The following THSD7A variants were observed in gnomAD, a reference collection of about 807,000 sequenced individuals.
THSD7A encodes the protein thrombospondin type-1 domain-containing protein 7A.
THSD7A carries 96 observed loss-of-function variants against 231.3 expected under a neutral mutation model. The observed-to-expected ratio is 0.41, with a 90% confidence interval of 0.35 to 0.49. The LOEUF (loss-of-function observed/expected upper bound fraction) is 0.49. Among genes scored for constraint, THSD7A ranks in the 20% least tolerant of loss-of-function variants. The pLI, the probability that THSD7A is intolerant of heterozygous loss-of-function variation, is 0.05. For missense variants in THSD7A, 2,290 were observed against 2,070.2 expected (o/e 1.11, Z -2.06); for synonymous variants, 940 against 743.3 (o/e 1.26, Z -4.30).
chr7:11,755,762 T>C (rs1199067161), intron 1 of THSD7A, among the ~76,000 whole-genome samples: 1 of 152,098 alleles, frequency 6.6e-6, no homozygotes, highest in Non-Finnish European at 1.5e-5. Flanking sequence ...CTTGTTTTAG[T>C]ATGAAGTTAG....
chr7:11,425,061 T>A (rs1341237903), intron 15 of THSD7A, among the ~76,000 whole-genome samples: 1 of 152,200 alleles, frequency 6.6e-6, no homozygotes, highest in African/African-American at 2.4e-5. Context: ...GTAAATCTGA[T>A]CCACTGGATC....
intron 1 of THSD7A, among the ~76,000 whole-genome samples, chr7:11,706,883 A>G (rs951057425): frequency 1.3e-5 from 2 of 150,638 alleles, no homozygotes; most frequent in Non-Finnish European, 3.0e-5. Flanking sequence ...TGAACTCTGC[A>G]GATACCAAAC....
chr7:11,819,518 T>C (rs1784804754), intron 1 of THSD7A, among the ~76,000 whole-genome samples: 1 of 152,152 alleles, frequency 6.6e-6, no homozygotes, highest in Non-Finnish European at 1.5e-5. Flanking sequence ...CGAAAAGGCA[T>C]GTAGAAAACT....
At chr7:11,793,507 T>A (rs1197741135) in intron 1 of THSD7A, among the ~76,000 whole-genome samples, 2 of 151,682 alleles carry the variant, frequency 1.3e-5, no homozygotes, top group Non-Finnish European at 2.9e-5. Context: ...ACTATAATGT[T>A]TTTAGTTTTA....
chr7:11,567,142 T>C (rs1194930806), intron 4 of THSD7A, among the ~76,000 whole-genome samples: 2 of 152,082 alleles, frequency 1.3e-5, no homozygotes, highest in Non-Finnish European at 2.9e-5. Context: ...TGCTATAAAG[T>C]ACTGCCCGAG....
chr7:11,769,856 T>C (rs1177991226), intron 1 of THSD7A, among the ~76,000 whole-genome samples: 1 of 152,216 alleles, frequency 6.6e-6, no homozygotes, highest in East Asian at 1.9e-4. Context: ...ACTTGCAATA[T>C]CTATAGCAGT....
intron 20 of THSD7A, 25 bp from the exon 21 acceptor site, chr7:11,407,080 C>T: frequency 1.2e-6 from 2 of 1,612,138 alleles, no homozygotes; most frequent in Non-Finnish European, 1.7e-6. Context: ...AAGTGATGCA[C>T]CTTTAATATA....
chr7:11,484,814 T>A (rs1333920984), intron 6 of THSD7A, among the ~76,000 whole-genome samples: 1 of 146,814 alleles, frequency 6.8e-6, no homozygotes, highest in Non-Finnish European at 1.5e-5. Flanking sequence ...AGCACATGCA[T>A]CCCCTGGAGT....
intron 2 of THSD7A, among the ~76,000 whole-genome samples, chr7:11,631,561 T>G (rs1388775935): frequency 6.6e-6 from 1 of 152,148 alleles, no homozygotes; most frequent in East Asian, 1.9e-4. Flanking sequence ...CAGAGGAGGT[T>G]GATTTTATAG....
chr7:11,734,414 G>A (rs1305816443), intron 1 of THSD7A, among the ~76,000 whole-genome samples: 1 of 151,748 alleles, frequency 6.6e-6, no homozygotes, highest in African/African-American at 2.4e-5. Flanking sequence ...TAATTTAAAG[G>A]CTTTTCATCC....
At chr7:11,647,692 T>C (rs544034042) in intron 1 of THSD7A, among the ~76,000 whole-genome samples, 1 of 152,254 alleles carries the variant, frequency 6.6e-6, no homozygotes, top group South Asian at 2.1e-4. Context: ...GAAGGCACTG[T>C]AGCCATAGAA....
intron 1 of THSD7A, among the ~76,000 whole-genome samples, chr7:11,764,277 A>C (rs1217524937): frequency 1.3e-5 from 2 of 152,164 alleles, no homozygotes; most frequent in Non-Finnish European, 2.9e-5. Context: ...TATAGTATAA[A>C]AATAGATAAA....
In THSD7A at chr7:11,791,689, A is replaced by C. The variant is rs1291411043; in HGVS notation, c.190+40068T>G. Among the ~76,000 whole-genome samples, 4 of 152,002 alleles carry C rather than the reference A, an allele frequency of 2.6e-5. No individual in the cohort carries two copies. In the East Asian group the frequency reaches 7.8e-4, roughly 29 times the overall value. On this transcript the variant is annotated intron_variant, in intron 1 of 27. Coordinates refer to ENST00000423059, the MANE Select transcript of THSD7A (RefSeq NM_015204.3). ...ATAACCTATCTAGTGTAGTTCTTTA[A>C]ATGTTAAATTTTGGTCCCAACGGCC... is the stretch of plus-strand genomic sequence containing the variant.
intron 6 of THSD7A, among the ~76,000 whole-genome samples, chr7:11,502,012 CAA>C (rs2128310638): frequency 6.6e-6 from 1 of 152,206 alleles, no homozygotes; most frequent in African/African-American, 2.4e-5. Context: ...CCTATGCACA[CAA>C]ACTCTAAAAC....
rs73066774 is a variant in THSD7A at position 11,375,711 on chromosome 7, C to T, written c.*83G>A. Reference sequence around the variant, plus strand: ...AAATTAAAATATATTTTAATCCACACAGTTTGGATACATTTGTTGTGGCCT... The same window carrying T: ...AAATTAAAATATATTTTAATCCACATAGTTTGGATACATTTGTTGTGGCCT... On this transcript the variant is annotated 3_prime_UTR_variant, in exon 28 of 28. Transcript: ENST00000423059. The T allele has an allele frequency of 1.2e-3, 1,273 of 1,105,182 alleles. 2 individuals carry two copies. The highest frequency in any genetic ancestry group is 1.4e-3 in the Non-Finnish European group (1,000 of 740,602). 68.5% of individuals were successfully genotyped at this position (1,105,182 alleles called of 1,614,324 possible). A position where few individuals can be genotyped will look rare whatever the true frequency, so the allele number is the denominator to read the frequency against.
chr7:11,396,480 C>A (rs1783191728), intron 23 of THSD7A, among the ~76,000 whole-genome samples: 2 of 152,124 alleles, frequency 1.3e-5, no homozygotes. Flanking sequence ...GAAATACAAA[C>A]CACTATCAGA....
intron 6 of THSD7A, among the ~76,000 whole-genome samples, chr7:11,514,703 A>G (rs1469347902): frequency 6.6e-6 from 1 of 152,200 alleles, no homozygotes; most frequent in Admixed American, 6.5e-5. Context: ...AAATTTTTCA[A>G]CAGGTTAGCA....
chr7:11,766,026 G>C (rs777288046), intron 1 of THSD7A, among the ~76,000 whole-genome samples: 3 of 152,090 alleles, frequency 2.0e-5, no homozygotes, highest in Non-Finnish European at 2.9e-5. Flanking sequence ...TCAATTCAGT[G>C]ACAGTGGACT....
At position 11,371,883 on chromosome 7, in the gene THSD7A, T is replaced by C. The variant is rs1782068315; in HGVS notation, c.*3911A>G. 6.6e-6 allele frequency: 1 copy of C among 151,110 alleles called. No homozygotes were observed. Among genetic ancestry groups the C allele is most frequent in the African/African-American group, 2.4e-5 (1 of 41,034 alleles). The allele number at this position is 151,110 out of a possible 1,614,324, so 9.4% of individuals were successfully genotyped here. A position where few individuals can be genotyped will look rare whatever the true frequency, so the allele number is the denominator to read the frequency against. ...ACTTTGATTCTAATAGGGAAGGAAA[T>C]ATAGGAATTCTTTTTTTTTTAATTA... On this transcript the variant is annotated 3_prime_UTR_variant, in exon 28 of 28. Transcript: ENST00000423059.
Sources: allele counts gnomAD v4.1 joint callset (sites outside exome capture counted in the v4.1 genomes callset), GRCh38; gene constraint gnomAD v4.1.1; transcripts MANE v1.5; gene names NCBI Gene and HGNC (gene_info 2026-07-23, HGNC 2026-07-21).